VWA3A: variants seen among roughly 807,000 people sequenced by gnomAD.
VWA3A encodes von Willebrand factor A domain-containing protein 3A.
Under a neutral mutation model 160.4 loss-of-function variants are expected in VWA3A, and 134 were observed. The ratio of observed to expected loss-of-function variants is 0.84; its 90% CI spans 0.73 to 0.96. The LOEUF (loss-of-function observed/expected upper bound fraction) is 0.96, where lower values mean the gene tolerates loss of function less well. Ranked by LOEUF, VWA3A falls within the 40% of genes least tolerant of loss-of-function variation. VWA3A has a pLI of 0.00. For missense variants in VWA3A, 1,310 were observed against 1,447.9 expected (o/e 0.90, Z 1.55); for synonymous variants, 476 against 543.4 (o/e 0.88, Z 1.72).
intron 1 of VWA3A, among the ~76,000 whole-genome samples, chr16:22,093,991 T>C (rs1163902307): frequency 6.6e-6 from 1 of 151,860 alleles, no homozygotes; most frequent in African/African-American, 2.4e-5. Flanking sequence ...GCTAGGCTAC[T>C]CTCAAACTCC....
chr16:22,108,012 T>C (rs1598051893), intron 6 of VWA3A, among the ~76,000 whole-genome samples: 1 of 152,236 alleles, frequency 6.6e-6, no homozygotes, highest in Admixed American at 6.5e-5. Context: ...ACAGTCAAAC[T>C]GTGCTATATG....
At chr16:22,122,925 G>A (rs1019423451) in intron 14 of VWA3A, among the ~76,000 whole-genome samples, 160 bp from the exon 15 acceptor site, 3 of 151,970 alleles carry the variant, frequency 2.0e-5, no homozygotes, top group Non-Finnish European at 4.4e-5. Flanking sequence ...TGGTATTGGG[G>A]TGTGTGTGTG....
At chr16:22,136,657 G>A (rs988552851) in intron 21 of VWA3A, among the ~76,000 whole-genome samples, 1 of 151,930 alleles carries the variant, frequency 6.6e-6, no homozygotes, top group African/African-American at 2.4e-5. Flanking sequence ...ATTCCTCTGT[G>A]GCCACTGGAT....
rs766748165 is a variant in VWA3A, at chr16:22,146,329, C to T, written c.2824C>T (p.Gln942Ter). The stretch of plus-strand genomic sequence containing the variant: ...GTTAAGGCGCTATGTCCAGAGGCTG[C>T]AGTGGCTGCTGTCCGGTGAGCCTGC... ...KVLRRYVQRL[Q>*]WLLSGSRRLF... The change falls in exon 27 of 34, where the codon CAG (glutamine) becomes TAG (stop). Residue 942 changes from glutamine (Q) to a stop codon, truncating the protein, a stop_gained. Transcript: ENST00000389398. LOFTEE classifies it high-confidence loss of function. 1.9e-6 allele frequency: 3 copies of T among 1,612,858 alleles called. No homozygotes were observed. Among genetic ancestry groups the T allele is most frequent in the African/African-American group, 2.7e-5 (2 of 74,844 alleles).
chr16:22,130,991 G>A (rs552835506), intron 17 of VWA3A, among the ~76,000 whole-genome samples: 57 of 152,322 alleles, frequency 3.7e-4, no homozygotes, highest in Middle Eastern at 3.4e-3. Context: ...AAAGGAAGCT[G>A]ACCAAAGCTG....
chr16:22,096,439 G>A (rs2045322678), intron 1 of VWA3A, among the ~76,000 whole-genome samples: 1 of 152,146 alleles, frequency 6.6e-6, no homozygotes, highest in African/African-American at 2.4e-5. Context: ...CAGCTTTGGT[G>A]ACAGAGCAAG....
intron 12 of VWA3A, among the ~76,000 whole-genome samples, chr16:22,120,382 T>C (rs1241009031): frequency 6.6e-6 from 1 of 152,106 alleles, no homozygotes; most frequent in Non-Finnish European, 1.5e-5. Flanking sequence ...CTTTCTAAAA[T>C]TGTGAAAGGG....
Position 22,144,355 on chromosome 16 carries a change from T to C in VWA3A, c.2701T>C (p.Cys901Arg). 2.5e-6 allele frequency: 4 copies of C among 1,613,902 alleles called. No individual in the cohort carries two copies. The highest frequency in any genetic ancestry group is 3.4e-6 in the Non-Finnish European group (4 of 1,179,882). Residue 901 changes from cysteine (C) to arginine (R), a missense_variant, in exon 26 of 34, where the codon TGC (cysteine) becomes CGC (arginine). Cys to Arg is a radical substitution (Grantham distance 180). Coordinates refer to ENST00000389398, the MANE Select transcript of VWA3A (RefSeq NM_173615.5). Reference protein sequence around the residue: ...SGQRSASAKHCSIFPSVEIHG... With the variant: ...SGQRSASAKHRSIFPSVEIHG... Reference sequence around the variant, plus strand: ...ACAGAGGTCAGCATCCGCCAAACACTGCAGCATCTTCCCCAGCGTTGAGAT... The same window carrying C: ...ACAGAGGTCAGCATCCGCCAAACACCGCAGCATCTTCCCCAGCGTTGAGAT...
Position 22,148,226 on chromosome 16 carries a change from G to A in VWA3A, c.2904G>A (p.Gly968=), listed in dbSNP as rs866513164. The stretch of plus-strand genomic sequence containing the variant: ...TATGCATATTGCTGGACACGTCAGG[G>A]TCCATGGGCCCCTACCTGCAGCAGG... ...SKVCILLDTS[G]SMGPYLQQVK... is the part of the protein sequence containing the mutation. The change falls in exon 28 of 34, where the codon GGG becomes GGA. Residue 968 remains glycine (G), a synonymous_variant. Transcript: ENST00000389398. The A allele has an allele frequency of 6.2e-7, 1 of 1,600,912 alleles. No homozygotes were observed. The highest frequency in any genetic ancestry group is 8.5e-7 in the Non-Finnish European group (1 of 1,174,066).
At chr16:22,141,824 C>T (rs770245137) in intron 24 of VWA3A, 132 bp downstream of exon 24, 6 of 676,296 alleles carry the variant, frequency 8.9e-6, no homozygotes, top group Admixed American at 3.0e-5. Flanking sequence ...TGGAGCAAGC[C>T]GTACTCAACT....
intron 24 of VWA3A, among the ~76,000 whole-genome samples, chr16:22,142,446 T>C (rs902048935): frequency 1.3e-4 from 19 of 151,976 alleles, no homozygotes; most frequent in African/African-American, 4.4e-4. Context: ...GTGCCAGGCT[T>C]TTATTTAACA....
In VWA3A at chr16:22,156,051, AC is replaced by A; in HGVS notation, c.*36del. On this transcript the variant is annotated 3_prime_UTR_variant, in exon 34 of 34. Transcript: ENST00000389398. ...AAACAGAAAAGTCATCCTGCAAAGG[AC>A]CACTCACTGAGCAAATCTCAGCCCC... is the stretch of plus-strand genomic sequence containing the variant. 2.1e-6 allele frequency: 2 copies of A among 964,212 alleles called. No individual in the cohort carries two copies. The highest frequency in any genetic ancestry group is 1.5e-6 in the Non-Finnish European group (1 of 649,368). The allele number at this position is 964,212 out of a possible 1,614,324, so 59.7% of individuals were successfully genotyped here.
intron 26 of VWA3A, 111 bp downstream of exon 26, chr16:22,144,495 T>A: frequency 6.9e-7 from 1 of 1,439,734 alleles, no homozygotes; most frequent in Non-Finnish European, 9.2e-7. Context: ...GGAACTGCCC[T>A]CCTCCCCAAA....
At chr16:22,108,294 T>C (rs963567715) in intron 6 of VWA3A, among the ~76,000 whole-genome samples, 1 of 152,204 alleles carries the variant, frequency 6.6e-6, no homozygotes, top group African/African-American at 2.4e-5. Flanking sequence ...AATTGTACAA[T>C]CAATAGGAAT....
At chr16:22,134,330 C>A in intron 20 of VWA3A, 38 bp from the exon 21 acceptor site, 1 of 1,557,804 alleles carries the variant, frequency 6.4e-7, no homozygotes, top group Non-Finnish European at 8.7e-7. Flanking sequence ...AGGATCCACA[C>A]CCTGTCTCAC....
chr16:22,144,463 G>A, intron 26 of VWA3A, 79 bp downstream of exon 26: 2 of 1,538,260 alleles, frequency 1.3e-6, no homozygotes, highest in Non-Finnish European at 1.7e-6. Context: ...GTAGGGCACT[G>A]TGGCCTCTAT....
chr16:22,121,706 A>G (rs1250406507), intron 14 of VWA3A, 89 bp downstream of exon 14: 13 of 1,034,830 alleles, frequency 1.3e-5, no homozygotes, highest in Admixed American at 1.9e-5. Context: ...GGCAGTAAGA[A>G]TCACCAGGGA....
chr16:22,096,961 T>A lies in VWA3A; in HGVS notation c.101+16T>A. On this transcript the variant is annotated intron_variant, in intron 2 of 33. Transcript: ENST00000389398. Reference sequence around the variant, plus strand: ...AAAACCATTGGTAAGCATAGTTCTCTGATTTTTTTTTTTTTTTTTTTTGAG... The same window carrying A: ...AAAACCATTGGTAAGCATAGTTCTCAGATTTTTTTTTTTTTTTTTTTTGAG... 7.0e-7 allele frequency: 1 copy of A among 1,423,928 alleles called. No homozygotes were observed. Among genetic ancestry groups the A allele is most frequent in the Admixed American group, 2.3e-5 (1 of 43,748 alleles). 88.2% of individuals were successfully genotyped at this position (1,423,928 alleles called of 1,614,324 possible).
chr16:22,148,763 C>A (rs2046299778), intron 28 of VWA3A, among the ~76,000 whole-genome samples: 1 of 151,672 alleles, frequency 6.6e-6, no homozygotes, highest in African/African-American at 2.4e-5. Flanking sequence ...AGAGTAAGAC[C>A]CTGTCTCAAA....
Sources: allele counts gnomAD v4.1 joint callset (sites outside exome capture counted in the v4.1 genomes callset), GRCh38; gene constraint gnomAD v4.1.1; transcripts MANE v1.5; gene names NCBI Gene and HGNC (gene_info 2026-07-23, HGNC 2026-07-21).